The following ADORA1 variants were observed in gnomAD, a reference collection of about 807,000 sequenced individuals.
ADORA1 encodes adenosine receptor A1.
In ADORA1, 6 loss-of-function variants were observed where a neutral mutation model predicts 19.9. The ratio of observed to expected loss-of-function variants is 0.30; its 90% CI spans 0.17 to 0.59. The LOEUF is 0.59. Among genes scored for constraint, ADORA1 ranks in the 20% least tolerant of loss-of-function variants. The pLI is 0.87. For missense variants in ADORA1, 302 were observed against 439.2 expected (o/e 0.69, Z 2.79); for synonymous variants, 194 against 188.4 (o/e 1.03, Z -0.24).
chr1:203,143,531 ATGCACACCTGTGTGTGTGTGTGTGTGTT>A (rs1654762366), intron 3 of ADORA1, among the ~76,000 whole-genome samples: 1 of 147,974 alleles, frequency 6.8e-6, no homozygotes, highest in Non-Finnish European at 1.5e-5. Flanking sequence ...GTATTCACAT[ATGCACACCTGTGTGTGTGTGTGTGTGTT>A]TGTGTGTGCA....
chr1:203,146,178 C>G (rs543993188), intron 3 of ADORA1, among the ~76,000 whole-genome samples: 39 of 152,152 alleles, frequency 2.6e-4, no homozygotes, highest in African/African-American at 8.9e-4. Flanking sequence ...GGGGAGGGGC[C>G]TACATGTTGG....
intron 3 of ADORA1, among the ~76,000 whole-genome samples, chr1:203,159,034 C>T (rs915643498): frequency 1.3e-5 from 2 of 152,224 alleles, no homozygotes; most frequent in African/African-American, 4.8e-5. Context: ...AAGTTTCCAA[C>T]ACATGAGCTT....
intron 3 of ADORA1, among the ~76,000 whole-genome samples, chr1:203,146,383 C>G (rs763481549): frequency 1.3e-5 from 2 of 152,084 alleles, no homozygotes; most frequent in Non-Finnish European, 2.9e-5. Context: ...AATCCCAATA[C>G]TTTCGGAGGC....
At chr1:203,158,591 GT>G (rs1655266594) in intron 3 of ADORA1, among the ~76,000 whole-genome samples, 1 of 152,144 alleles carries the variant, frequency 6.6e-6, no homozygotes. Flanking sequence ...GCCTATACCT[GT>G]TACCCAGTTC....
intron 3 of ADORA1, among the ~76,000 whole-genome samples, chr1:203,134,632 G>A (rs1433386532): frequency 1.3e-5 from 2 of 152,206 alleles, no homozygotes; most frequent in Non-Finnish European, 2.9e-5. Flanking sequence ...AGGCAGATCT[G>A]TAGGGGCCGC....
intron 3 of ADORA1, among the ~76,000 whole-genome samples, chr1:203,140,960 G>T (rs1381311045): frequency 6.6e-6 from 1 of 152,232 alleles, no homozygotes; most frequent in African/African-American, 2.4e-5. Flanking sequence ...TGCAGCCAGT[G>T]GTCTGCATTG....
rs762703952 is a variant in ADORA1, at chr1:203,165,526, GTCT to G, written c.611_613del (p.Phe204del). The stretch of plus-strand genomic sequence containing the variant: ...CCTCATGGTCCTCATCTACCTGGAG[GTCT>G]TCTACCTAATCCGCAAGCAGCTCAA... On this transcript the variant is annotated inframe_deletion, in exon 4 of 4. Coordinates refer to ENST00000337894, the MANE Select transcript of ADORA1 (RefSeq NM_000674.3). The surrounding 1 kb of genome is among the most constrained non-coding windows in gnomAD (Gnocchi z 5.9). The G allele has an allele frequency of 1.2e-6, 2 of 1,613,768 alleles. No individual in the cohort carries two copies. The highest frequency in any genetic ancestry group is 1.7e-6 in the Non-Finnish European group (2 of 1,179,762).
At chr1:203,136,401 T>G (rs3820149) in intron 3 of ADORA1, among the ~76,000 whole-genome samples, 147,060 of 152,240 alleles carry the variant, frequency 0.97, 71,167 homozygotes, top group Non-Finnish European at 0.99. Flanking sequence ...TACCTTGGAA[T>G]TTTATTCCCC....
intron 3 of ADORA1, chr1:203,152,870 C>T (rs1655082104): frequency 6.6e-6 from 1 of 152,184 alleles, no homozygotes; most frequent in Admixed American, 6.5e-5. Flanking sequence ...GGCATTGTCT[C>T]AAAGTGTGAT....
chr1:203,166,101 G>A lies in ADORA1; in HGVS notation c.*201G>A. The stretch of plus-strand genomic sequence containing the variant: ...CCCTACACCTCTGGGCCCTGCAGGA[G>A]GCCTGGGAGGGCAAGGGTCCTACGG... On this transcript the variant is annotated 3_prime_UTR_variant, in exon 4 of 4. Transcript: ENST00000337894. 1 of 616,778 alleles carries A rather than the reference G, an allele frequency of 1.6e-6. No homozygotes were observed. The highest frequency in any genetic ancestry group is 2.5e-6 in the Non-Finnish European group (1 of 405,714). 38.2% of individuals were successfully genotyped at this position (616,778 alleles called of 1,614,324 possible).
intron 3 of ADORA1, among the ~76,000 whole-genome samples, chr1:203,138,434 A>G (rs553509268): frequency 4.6e-5 from 7 of 152,320 alleles, no homozygotes; most frequent in Admixed American, 3.3e-4. Flanking sequence ...AGAACCGAGC[A>G]TTGAGAAAGT....
intron 3 of ADORA1, among the ~76,000 whole-genome samples, chr1:203,132,128 G>A (rs1654361453): frequency 6.6e-6 from 1 of 152,210 alleles, no homozygotes; most frequent in Non-Finnish European, 1.5e-5. Flanking sequence ...AGCTCAAATT[G>A]TTGATTCATC....
chr1:203,142,611 T>C (rs1654729823), intron 3 of ADORA1, among the ~76,000 whole-genome samples: 1 of 152,182 alleles, frequency 6.6e-6, no homozygotes, highest in Admixed American at 6.5e-5. Context: ...CACCGGAGCT[T>C]GTACAGCAAG....
At position 203,165,240 on chromosome 1, in the gene ADORA1, C is replaced by T; in HGVS notation, c.342-21C>T. The T allele has an allele frequency of 1.3e-6, 2 of 1,594,512 alleles. No individual in the cohort carries two copies. Among genetic ancestry groups the T allele is most frequent in the Non-Finnish European group, 1.7e-6 (2 of 1,169,912 alleles). On this transcript the variant is annotated intron_variant, in intron 3 of 3. Coordinates refer to ENST00000337894, the MANE Select transcript of ADORA1 (RefSeq NM_000674.3). This position sits in a 1 kb window ranked among gnomAD's most constrained non-coding sequence, Gnocchi z 5.9. ...GGCAGCTGGGAGGCAGATCCTCACA[C>T]TCTGCCCTCCTCTCCCCCAGGTACA...
chr1:203,142,933 G>T (rs1342478216), intron 3 of ADORA1, among the ~76,000 whole-genome samples: 1 of 152,072 alleles, frequency 6.6e-6, no homozygotes, highest in African/African-American at 2.4e-5. Flanking sequence ...GCAATGCCCT[G>T]TTCTCTGTAA....
rs1053400867 is a variant in ADORA1, at chr1:203,167,394, C to T, written c.*1494C>T. 5.9e-5 allele frequency: 9 copies of T among 152,264 alleles called. No individual in the cohort carries two copies. Among genetic ancestry groups the T allele is most frequent in the African/African-American group, 2.2e-4 (9 of 41,428 alleles). The allele number at this position is 152,264 out of a possible 1,614,324, so 9.4% of individuals were successfully genotyped here. On this transcript the variant is annotated 3_prime_UTR_variant, in exon 4 of 4. Transcript: ENST00000337894. The stretch of plus-strand genomic sequence containing the variant: ...GGAGGCCCATGTGACTAATAAAAAA[C>T]TGTGAACCCTGTGGAGAGCACATTG...
chr1:203,156,225 G>T (rs901861331), intron 3 of ADORA1, among the ~76,000 whole-genome samples: 4 of 152,116 alleles, frequency 2.6e-5, no homozygotes, highest in Admixed American at 1.3e-4. Context: ...AGTTAGATAG[G>T]GGGGAAGAGA....
chr1:203,140,940 A>G (rs1056488782), intron 3 of ADORA1, among the ~76,000 whole-genome samples: 1 of 152,122 alleles, frequency 6.6e-6, no homozygotes, highest in African/African-American at 2.4e-5. Context: ...ATTTCTTATC[A>G]TTGCTGGAAT....
At chr1:203,151,438 T>C (rs904451335) in intron 3 of ADORA1, among the ~76,000 whole-genome samples, 2 of 152,212 alleles carry the variant, frequency 1.3e-5, no homozygotes, top group Admixed American at 6.5e-5. Flanking sequence ...ATGGAAACCA[T>C]GTGACTGGCC....
Sources: gnomAD v4.1 joint callset for allele counts (sites outside exome capture counted in the v4.1 genomes callset) on GRCh38, gnomAD v4.1.1 for gene constraint, Gnocchi (gnomAD v3.1) non-coding constraint, MANE v1.5 for transcripts, NCBI Gene and HGNC (gene_info 2026-07-23, HGNC 2026-07-21) for gene names.